ARHGAP15: variants seen among roughly 807,000 people sequenced by gnomAD.
The protein encoded by ARHGAP15 is Rho GTPase activating protein 15, also known as rho GTPase-activating protein 15.
Under a neutral mutation model 63.7 loss-of-function variants are expected in ARHGAP15, and 51 were observed. That is an observed-to-expected ratio of 0.80 (90% CI 0.64 to 1.01). The LOEUF is 1.01. Ranked by LOEUF, ARHGAP15 falls within the 50% of genes least tolerant of loss-of-function variation. The pLI is 0.00. For missense variants in ARHGAP15, 560 were observed against 564.6 expected (o/e 0.99, Z 0.08); for synonymous variants, 191 against 193.8 (o/e 0.99, Z 0.12).
At chr2:143,765,113 G>GTA (rs1335103258) in intron 13 of ARHGAP15, among the ~76,000 whole-genome samples, 20 of 92,104 alleles carry the variant, frequency 2.2e-4, no homozygotes, top group East Asian at 7.9e-4. Flanking sequence ...TAAAATATGT[G>GTA]TGTGTGTGTG....
intron 10 of ARHGAP15, among the ~76,000 whole-genome samples, chr2:143,553,429 T>C (rs1160647357): frequency 6.6e-6 from 1 of 152,182 alleles, no homozygotes; most frequent in African/African-American, 2.4e-5. Flanking sequence ...GATAGATTCA[T>C]ATTGCATCTA....
intron 3 of ARHGAP15, 29 bp from the exon 4 acceptor site, chr2:143,216,355 C>T (rs193061909): frequency 5.4e-5 from 84 of 1,564,714 alleles, no homozygotes; most frequent in East Asian, 1.1e-4. Flanking sequence ...TAGTTTGTCA[C>T]GGTTTTAACA....
chr2:143,262,506 C>A (rs1558851002), intron 6 of ARHGAP15, among the ~76,000 whole-genome samples: 1 of 145,916 alleles, frequency 6.9e-6, no homozygotes, highest in Non-Finnish European at 1.5e-5. Flanking sequence ...GTCAATCGGA[C>A]CTTTGTATAT....
rs140099223 is a variant in ARHGAP15, at chr2:143,449,280, C to T, written c.703+12238C>T. Among the ~76,000 whole-genome samples the T allele has an allele frequency of 2.7e-3, 408 of 152,148 alleles. 4 individuals carry two copies. Among genetic ancestry groups the T allele is most frequent in the Admixed American group, 6.0e-3 (91 of 15,256 alleles). ...ACAGACAAACAAGAAACCAAAGCTC[C>T]AAGCAATTCCCTGGAAATTATCCAT... On this transcript the variant is annotated intron_variant, in intron 8 of 13. Coordinates refer to ENST00000295095, the MANE Select transcript of ARHGAP15 (RefSeq NM_018460.4).
intron 8 of ARHGAP15, among the ~76,000 whole-genome samples, chr2:143,470,159 A>AC (rs5834952): frequency 0.99 from 150,675 of 152,148 alleles, 74,625 homozygotes; most frequent in Middle Eastern, 1. Flanking sequence ...CCTTAAAAAA[A>AC]ATTTAACTTT....
chr2:143,348,728 A>G (rs1299098469), intron 6 of ARHGAP15, among the ~76,000 whole-genome samples: 1 of 152,142 alleles, frequency 6.6e-6, no homozygotes, highest in African/African-American at 2.4e-5. Context: ...GATAGTCTGA[A>G]TTATTTGTGA....
At chr2:143,314,128 AT>A (rs1683586388) in intron 6 of ARHGAP15, among the ~76,000 whole-genome samples, 1 of 152,102 alleles carries the variant, frequency 6.6e-6, no homozygotes, top group Admixed American at 6.6e-5. Context: ...CCCCAGGAAG[AT>A]AAAATCCTGT....
At chr2:143,136,741 T>C (rs1466438115) in intron 1 of ARHGAP15, among the ~76,000 whole-genome samples, 3 of 152,148 alleles carry the variant, frequency 2.0e-5, no homozygotes, top group Middle Eastern at 3.2e-3. Flanking sequence ...GTTTACAATT[T>C]GTCTTCTTTC....
intron 6 of ARHGAP15, among the ~76,000 whole-genome samples, chr2:143,280,223 AG>A (rs1248640416): frequency 6.6e-6 from 1 of 152,194 alleles, no homozygotes; most frequent in Non-Finnish European, 1.5e-5. Flanking sequence ...GGAAAAGATG[AG>A]AAATGAGTGT....
intron 8 of ARHGAP15, among the ~76,000 whole-genome samples, chr2:143,475,191 T>A (rs1312966355): frequency 3.9e-5 from 6 of 152,224 alleles, no homozygotes; most frequent in Non-Finnish European, 8.8e-5. Flanking sequence ...TAGAGCCAAG[T>A]ATTCACCGGG....
intron 13 of ARHGAP15, among the ~76,000 whole-genome samples, chr2:143,723,492 G>A (rs1199919625): frequency 6.6e-6 from 1 of 152,190 alleles, no homozygotes; most frequent in Non-Finnish European, 1.5e-5. Flanking sequence ...TAGGTCAGGA[G>A]TATTCGCTGG....
chr2:143,745,318 G>A (rs1686121122), intron 13 of ARHGAP15, among the ~76,000 whole-genome samples: 1 of 152,144 alleles, frequency 6.6e-6, no homozygotes, highest in East Asian at 1.9e-4. Context: ...CTTTTACACT[G>A]TGACTTCACC....
chr2:143,621,402 G>C (rs1453071597), intron 11 of ARHGAP15, among the ~76,000 whole-genome samples: 1 of 152,108 alleles, frequency 6.6e-6, no homozygotes, highest in Non-Finnish European at 1.5e-5. Flanking sequence ...TTGAGGACTG[G>C]TTGGCTTCAT....
At chr2:143,536,053 G>T (rs1044836206) in intron 10 of ARHGAP15, among the ~76,000 whole-genome samples, 3 of 152,040 alleles carry the variant, frequency 2.0e-5, no homozygotes, top group Non-Finnish European at 4.4e-5. Flanking sequence ...ATAGATGAGA[G>T]CACTTAACAT....
chr2:143,657,861 T>C (rs1274389306), intron 12 of ARHGAP15, among the ~76,000 whole-genome samples: 1 of 152,240 alleles, frequency 6.6e-6, no homozygotes, highest in African/African-American at 2.4e-5. Context: ...TTCGAGACTT[T>C]GTTCAGTTCA....
At chr2:143,760,132 T>G (rs1449304445) in intron 13 of ARHGAP15, among the ~76,000 whole-genome samples, 1 of 152,178 alleles carries the variant, frequency 6.6e-6, no homozygotes, top group African/African-American at 2.4e-5. Context: ...GTCAAACACA[T>G]AGTAAGTACG....
intron 6 of ARHGAP15, among the ~76,000 whole-genome samples, chr2:143,270,499 A>AT (rs1681221556): frequency 6.6e-6 from 1 of 152,156 alleles, no homozygotes; most frequent in African/African-American, 2.4e-5. Context: ...TTCATAATTT[A>AT]TTTTGCTGTG....
intron 6 of ARHGAP15, among the ~76,000 whole-genome samples, chr2:143,370,964 C>T (rs551336669): frequency 6.6e-6 from 1 of 152,234 alleles, no homozygotes; most frequent in African/African-American, 2.4e-5. Context: ...CCACTTGGAC[C>T]AAAGTGACTA....
At chr2:143,329,327 GT>G (rs1684398283) in intron 6 of ARHGAP15, among the ~76,000 whole-genome samples, 1 of 152,188 alleles carries the variant, frequency 6.6e-6, no homozygotes, top group Non-Finnish European at 1.5e-5. Flanking sequence ...CATCATGTAA[GT>G]TCTTTGAAAG....
Sources: allele counts gnomAD v4.1 joint callset (sites outside exome capture counted in the v4.1 genomes callset), GRCh38; gene constraint gnomAD v4.1.1; transcripts MANE v1.5; gene names NCBI Gene and HGNC (gene_info 2026-07-23, HGNC 2026-07-21).